The following FBXO34 variants were observed in gnomAD, a reference collection of about 807,000 sequenced individuals.
The protein encoded by FBXO34 is F-box only protein 34.
In FBXO34, 12 loss-of-function variants were observed where a neutral mutation model predicts 24.5. The ratio of observed to expected loss-of-function variants is 0.49; its 90% CI spans 0.31 to 0.79. FBXO34 has a LOEUF of 0.79. FBXO34 is among the 30% of genes least tolerant of loss of function. The pLI, the probability that FBXO34 is intolerant of heterozygous loss-of-function variation, is 0.04. For missense variants in FBXO34, 823 were observed against 857.7 expected, an observed-to-expected ratio of 0.96 and a Z score of 0.51; for synonymous variants, 320 against 311.9, an observed-to-expected ratio of 1.03 and a Z score of -0.27.
At chr14:55,293,960 C>T (rs906628461) in intron 1 of FBXO34, among the ~76,000 whole-genome samples, 12 of 152,018 alleles carry the variant, frequency 7.9e-5, no homozygotes, top group South Asian at 4.2e-4. Context: ...TAATCGGGTA[C>T]GCATATGCTT....
downstream of FBXO34, among the ~76,000 whole-genome samples, chr14:55,363,604 C>T (rs1005211435): frequency 6.6e-6 from 1 of 152,170 alleles, no homozygotes; most frequent in Non-Finnish European, 1.5e-5. Context: ...GCTGGGATCA[C>T]AGCTGTGAGC....
downstream of FBXO34, chr14:55,369,222 C>G (rs950991824): frequency 1.3e-5 from 2 of 158,978 alleles, no homozygotes; most frequent in Non-Finnish European, 2.8e-5. Flanking sequence ...TTCAACCAAC[C>G]TCTAAAACTT....
At chr14:55,426,431 G>A in the FBXO34 span, among the ~76,000 whole-genome samples, 2 of 152,144 alleles carry the variant, frequency 1.3e-5, no homozygotes, top group Non-Finnish European at 2.9e-5. Flanking sequence ...CTGGGAAACT[G>A]AATGACCTTA....
chr14:55,316,710 G>C (rs1048320403), intron 1 of FBXO34, among the ~76,000 whole-genome samples: 2 of 144,652 alleles, frequency 1.4e-5, no homozygotes, highest in Non-Finnish European at 3.0e-5. Context: ...CTGGGCAACA[G>C]AGCAGGAACA....
At chr14:55,428,922 G>A in the FBXO34 span, 2 of 1,614,136 alleles carry the variant, frequency 1.2e-6, no homozygotes, top group Non-Finnish European at 1.7e-6. Flanking sequence ...GGGAACCCAA[G>A]CTTCTGCACC....
At chr14:55,275,675 T>A in intron 1 of FBXO34, among the ~76,000 whole-genome samples, 1 of 150,288 alleles carries the variant, frequency 6.7e-6, no homozygotes, top group Non-Finnish European at 1.5e-5. Context: ...ATACAAAAAA[T>A]TAGCCAGGCG....
In FBXO34 at chr14:55,283,469, CT is replaced by C. The variant is rs199599790; in HGVS notation, c.-11+11947del. Among the ~76,000 whole-genome samples, 619 of 137,536 alleles carry C rather than the reference CT, an allele frequency of 4.5e-3. 8 individuals carry two copies. In the East Asian group the frequency reaches 0.068, roughly 15 times the overall value. 90.2% of individuals were successfully genotyped at this position (137,536 alleles called of 152,430 possible). Reference sequence around the variant, plus strand: ...GTAAGAATTTATTCTTTTTTTCTTTCTTTTTTTTTTTTTTTGAGACAGTCTC... The same window carrying C: ...GTAAGAATTTATTCTTTTTTTCTTTCTTTTTTTTTTTTTTGAGACAGTCTC... On this transcript the variant is annotated intron_variant, in intron 1 of 1. Transcript: ENST00000313833.
At chr14:55,337,334 G>A (rs1451723099) in intron 1 of FBXO34, among the ~76,000 whole-genome samples, 1 of 152,094 alleles carries the variant, frequency 6.6e-6, no homozygotes, top group African/African-American at 2.4e-5. Context: ...CTCATTCTAT[G>A]GAACAATTTT....
chr14:55,382,060 C>G, the FBXO34 span: 2 of 1,614,154 alleles, frequency 1.2e-6, no homozygotes, highest in Non-Finnish European at 1.7e-6. Context: ...AATGCTAATG[C>G]TGGTGTCTCC....
chr14:55,423,299 A>G, the FBXO34 span, among the ~76,000 whole-genome samples: 58 of 152,362 alleles, frequency 3.8e-4, 1 homozygote, highest in East Asian at 9.2e-3. Flanking sequence ...ATTTAAGACC[A>G]TGTGATACAG....
chr14:55,279,696 G>A (rs887248290), intron 1 of FBXO34, among the ~76,000 whole-genome samples: 2 of 152,182 alleles, frequency 1.3e-5, no homozygotes, highest in African/African-American at 4.8e-5. Flanking sequence ...ATTTCTGAAT[G>A]AACCATTAAG....
the FBXO34 span, chr14:55,385,863 C>T: frequency 6.2e-7 from 1 of 1,609,352 alleles, no homozygotes; most frequent in Non-Finnish European, 8.5e-7. Context: ...ATGTACCTCA[C>T]ACCCGTCTTT....
chr14:55,298,862 A>G, intron 1 of FBXO34: 2 of 1,611,090 alleles, frequency 1.2e-6, no homozygotes, highest in Non-Finnish European at 1.7e-6. Flanking sequence ...TCGACGGTAC[A>G]TTATCAACCA....
intron 1 of FBXO34, among the ~76,000 whole-genome samples, chr14:55,291,382 A>G (rs536512243): frequency 6.6e-6 from 1 of 152,290 alleles, no homozygotes; most frequent in Admixed American, 6.5e-5. Context: ...ATGTAATGCT[A>G]GTTGGGGTGA....
the FBXO34 span, among the ~76,000 whole-genome samples, chr14:55,416,009 C>G: frequency 6.6e-6 from 1 of 152,050 alleles, no homozygotes; most frequent in Non-Finnish European, 1.5e-5. Context: ...TTATAAGATT[C>G]TATGTATAAG....
At chr14:55,310,181 A>G (rs1882689156) in intron 1 of FBXO34, among the ~76,000 whole-genome samples, 1 of 152,202 alleles carries the variant, frequency 6.6e-6, no homozygotes. Context: ...GCTATCTAGA[A>G]TGGAGAAGAG....
chr14:55,364,778 CTAGAG>C (rs1485143446), downstream of FBXO34, among the ~76,000 whole-genome samples: 6 of 146,310 alleles, frequency 4.1e-5, no homozygotes, highest in African/African-American at 1.0e-4. Context: ...GTCACCCAGG[CTAGAG>C]TAGAGTACAG....
the FBXO34 span, among the ~76,000 whole-genome samples, chr14:55,410,047 T>G: frequency 1.3e-5 from 2 of 151,990 alleles, no homozygotes; most frequent in Non-Finnish European, 2.9e-5. Flanking sequence ...CTAAACAGAG[T>G]TGGGTTAAGA....
At chr14:55,381,700 A>G in the FBXO34 span, among the ~76,000 whole-genome samples, 1 of 152,258 alleles carries the variant, frequency 6.6e-6, no homozygotes, top group Non-Finnish European at 1.5e-5. Context: ...AGAACAGGCA[A>G]ATCTATAGAC....
Sources: allele counts gnomAD v4.1 joint callset (sites outside exome capture counted in the v4.1 genomes callset), GRCh38; gene constraint gnomAD v4.1.1; transcripts MANE v1.5; gene names NCBI Gene and HGNC (gene_info 2026-07-23, HGNC 2026-07-21).